SLC9A9: variants seen among roughly 807,000 people sequenced by gnomAD.
The protein encoded by SLC9A9 is sodium/hydrogen exchanger 9.
A neutral mutation model predicts 77.8 loss-of-function variants in SLC9A9; 62 were observed. The observed-to-expected ratio is 0.80, with a 90% CI of 0.65 to 0.98. The LOEUF (loss-of-function observed/expected upper bound fraction) is 0.98, where lower values mean the gene tolerates loss of function less well. Ranked by LOEUF, SLC9A9 falls within the 50% of genes least tolerant of loss-of-function variation. SLC9A9 has a pLI of 0.00. For missense variants in SLC9A9, 775 were observed against 774.9 expected, an observed-to-expected ratio of 1.00 and a Z score of 0.00; for synonymous variants, 320 against 283.5, an observed-to-expected ratio of 1.13 and a Z score of -1.29.
chr3:143,762,100 C>A (rs568911903), intron 4 of SLC9A9, among the ~76,000 whole-genome samples: 4 of 152,138 alleles, frequency 2.6e-5, no homozygotes, highest in South Asian at 4.2e-4. Flanking sequence ...GACAAAAAAC[C>A]AAACACCGCA....
rs184616412 is a variant in SLC9A9 at position 143,594,604 on chromosome 3, G to A, written c.756-15881C>T. On this transcript the variant is annotated intron_variant, in intron 6 of 15. Transcript: ENST00000316549. Reference sequence around the variant, plus strand: ...CACCCAGAGAACTGTATGTTGGGAAGTTTGTGCATCAACGAAAGGTTTGTT... The same window carrying A: ...CACCCAGAGAACTGTATGTTGGGAAATTTGTGCATCAACGAAAGGTTTGTT... Among the ~76,000 whole-genome samples the A allele has an allele frequency of 6.3e-4, 96 of 152,286 alleles. 1 individual carries two copies. Among genetic ancestry groups the A allele is most frequent in the African/African-American group, 2.2e-3 (90 of 41,560 alleles).
At position 143,787,212 on chromosome 3, in the gene SLC9A9, A is replaced by G. The variant is rs141494366; in HGVS notation, c.533+7789T>C. Among the ~76,000 whole-genome samples, 1,474 of 152,274 alleles carry G rather than the reference A, an allele frequency of 9.7e-3. 19 individuals are homozygous for G. Among genetic ancestry groups the G allele is most frequent in the African/African-American group, 0.033 (1,377 of 41,562 alleles). On this transcript the variant is annotated intron_variant, in intron 4 of 15. Coordinates refer to ENST00000316549, the MANE Select transcript of SLC9A9 (RefSeq NM_173653.4). ...ATAAATCTACTAAATAGCTCCCATC[A>G]TTTGTTGTCTCTCTTATTTTCTTTT...
chr3:143,641,018 C>T (rs960639881), intron 6 of SLC9A9, among the ~76,000 whole-genome samples: 1 of 152,128 alleles, frequency 6.6e-6, no homozygotes, highest in Non-Finnish European at 1.5e-5. Context: ...GATAACTTCT[C>T]CCCAGAAACT....
At chr3:143,595,543 G>A (rs902604971) in intron 6 of SLC9A9, among the ~76,000 whole-genome samples, 2 of 152,152 alleles carry the variant, frequency 1.3e-5, no homozygotes, top group Admixed American at 6.5e-5. Flanking sequence ...TGTTAGAGTT[G>A]TATTCCTCTT....
intron 11 of SLC9A9, among the ~76,000 whole-genome samples, chr3:143,470,010 C>CTGG (rs2035351617): frequency 6.6e-6 from 1 of 152,136 alleles, no homozygotes; most frequent in Admixed American, 6.5e-5. Context: ...ACCCTTAATA[C>CTGG]TGGTGACTAT....
At chr3:143,464,449 G>A (rs532918536) in intron 12 of SLC9A9, among the ~76,000 whole-genome samples, 9 of 152,272 alleles carry the variant, frequency 5.9e-5, no homozygotes, top group African/African-American at 1.2e-4. Context: ...ATTCTTTAAT[G>A]TTTATTCTAT....
intron 2 of SLC9A9, among the ~76,000 whole-genome samples, chr3:143,801,086 A>G (rs2008539251): frequency 1.3e-5 from 2 of 152,146 alleles, no homozygotes; most frequent in South Asian, 4.1e-4. Context: ...GACCCCATAG[A>G]TCCTAAATCC....
At chr3:143,400,240 A>G (rs1465377173) in intron 12 of SLC9A9, among the ~76,000 whole-genome samples, 1 of 152,184 alleles carries the variant, frequency 6.6e-6, no homozygotes, top group Admixed American at 6.5e-5. Flanking sequence ...TATGGCTAGT[A>G]TGTTATTTGC....
chr3:143,811,705 C>A (rs985619332), intron 2 of SLC9A9: 1 of 453,976 alleles, frequency 2.2e-6, no homozygotes, highest in Non-Finnish European at 4.4e-6. Flanking sequence ...AACAAAAAAA[C>A]AAAAAAATTA....
Position 143,570,361 on chromosome 3 carries a change from C to T in SLC9A9, c.1000+3727G>A, listed in dbSNP as rs141483455. ...TTAATAAGATTTGGGGTGGTGAAGA[C>T]GTGAGTGAATGAGCTTGCTTTCAGA... On this transcript the variant is annotated intron_variant, in intron 8 of 15. Coordinates refer to ENST00000316549, the MANE Select transcript of SLC9A9 (RefSeq NM_173653.4). Among the ~76,000 whole-genome samples the T allele has an allele frequency of 4.6e-5, 7 of 152,110 alleles. No homozygotes were observed. In the South Asian group the frequency reaches 6.2e-4, roughly 14 times the overall value.
chr3:143,369,209 T>C (rs534057582), intron 13 of SLC9A9, among the ~76,000 whole-genome samples: 1 of 152,330 alleles, frequency 6.6e-6, no homozygotes, highest in Non-Finnish European at 1.5e-5. Context: ...ATAAATTATT[T>C]GGTTCAGGAA....
intron 9 of SLC9A9, chr3:143,517,852 G>T: frequency 6.3e-7 from 1 of 1,595,990 alleles, no homozygotes; most frequent in African/African-American, 1.3e-5. Flanking sequence ...GTTCACCATC[G>T]TTTAGGGCTT....
At chr3:143,741,779 A>G (rs977968793) in intron 4 of SLC9A9, among the ~76,000 whole-genome samples, 7 of 152,086 alleles carry the variant, frequency 4.6e-5, no homozygotes, top group Non-Finnish European at 1.0e-4. Context: ...CATTGAAACC[A>G]CCTTTGCAAA....
chr3:143,599,843 A>C (rs775801558), intron 6 of SLC9A9, among the ~76,000 whole-genome samples: 20 of 152,226 alleles, frequency 1.3e-4, no homozygotes, highest in Non-Finnish European at 2.5e-4. Context: ...TCGAAGTAAG[A>C]TATCAATGCC....
At chr3:143,503,965 G>T in intron 9 of SLC9A9, 1 of 394,322 alleles carries the variant, frequency 2.5e-6, no homozygotes, top group South Asian at 2.0e-5. Flanking sequence ...CTCCATGGTA[G>T]TTAATACACT....
At chr3:143,469,909 A>C (rs1376639754) in intron 11 of SLC9A9, among the ~76,000 whole-genome samples, 2 of 152,200 alleles carry the variant, frequency 1.3e-5, no homozygotes, top group Non-Finnish European at 2.9e-5. Context: ...AATTCTGAAC[A>C]CTTGAGATGG....
At chr3:143,806,258 CAA>C (rs1408238656) in intron 2 of SLC9A9, among the ~76,000 whole-genome samples, 1 of 152,156 alleles carries the variant, frequency 6.6e-6, no homozygotes, top group East Asian at 1.9e-4. Context: ...AGCTGCCTCT[CAA>C]AAGTTACTTC....
chr3:143,281,450 T>C (rs1400189675), intron 14 of SLC9A9, among the ~76,000 whole-genome samples: 2 of 152,150 alleles, frequency 1.3e-5, no homozygotes, highest in African/African-American at 2.4e-5. Flanking sequence ...TTAAAAATCA[T>C]TCTCCCACAG....
chr3:143,447,620 T>C (rs9289660), intron 12 of SLC9A9, among the ~76,000 whole-genome samples: 42,015 of 152,072 alleles, frequency 0.28, 6,711 homozygotes, highest in East Asian at 0.53. Context: ...ACAATTCCAA[T>C]ACTACGGAAA....
Sources: gnomAD v4.1 joint callset for allele counts (sites outside exome capture counted in the v4.1 genomes callset) on GRCh38, gnomAD v4.1.1 for gene constraint, MANE v1.5 for transcripts, NCBI Gene and HGNC (gene_info 2026-07-23, HGNC 2026-07-21) for gene names.